Variants in XPR1 observed in about 807,000 individuals in gnomAD.
XPR1 encodes the protein xenotropic and polytropic retrovirus receptor 1.
In XPR1, 28 loss-of-function variants were observed where a neutral mutation model predicts 87.5. That is an observed-to-expected ratio of 0.32 (90% CI 0.24 to 0.44). The LOEUF (loss-of-function observed/expected upper bound fraction) is 0.44. XPR1 is among the 20% of genes least tolerant of loss of function. XPR1 has a pLI of 1.00. For missense variants in XPR1, 559 were observed against 862.3 expected, an observed-to-expected ratio of 0.65 and a Z score of 4.41; for synonymous variants, 300 against 306.1, an observed-to-expected ratio of 0.98 and a Z score of 0.21.
intron 7 of XPR1, 62 bp from the exon 8 acceptor site, chr1:180,824,691 G>T: frequency 7.1e-7 from 1 of 1,405,888 alleles, no homozygotes; most frequent in African/African-American, 1.4e-5. Context: ...GAAGACAAAA[G>T]ATTATTAATT....
At chr1:180,849,822 G>A (rs1651805950) in intron 11 of XPR1, among the ~76,000 whole-genome samples, 1 of 152,142 alleles carries the variant, frequency 6.6e-6, no homozygotes, top group African/African-American at 2.4e-5. Flanking sequence ...AGAGGAATGA[G>A]AAAGCAGAGC....
chr1:180,686,860 C>T (rs1015465290), intron 2 of XPR1, among the ~76,000 whole-genome samples: 7 of 152,100 alleles, frequency 4.6e-5, no homozygotes, highest in African/African-American at 1.7e-4. Flanking sequence ...CATCTTTCAT[C>T]TCAAACCATT....
chr1:180,863,238 A>T lies in XPR1; in HGVS notation c.1502-470A>T, dbSNP rs531246062. On this transcript the variant is annotated intron_variant, in intron 11 of 14. Transcript: ENST00000367590. ...TTAGGATTATCTGGTTGCCATCATG[A>T]TAAGTATGGACAACATCTAAGTGTA... Among the ~76,000 whole-genome samples the T allele has an allele frequency of 8.5e-5, 13 of 152,176 alleles. No homozygotes were observed. The South Asian group carries it at 2.3e-3, about 27-fold the overall frequency.
At chr1:180,864,838 C>T (rs1323103950) in intron 12 of XPR1, among the ~76,000 whole-genome samples, 1 of 152,090 alleles carries the variant, frequency 6.6e-6, no homozygotes, top group Non-Finnish European at 1.5e-5. Flanking sequence ...ATTCTAATCC[C>T]AGCTCTTTCA....
intron 2 of XPR1, among the ~76,000 whole-genome samples, chr1:180,778,858 T>G (rs1304132782): frequency 6.6e-6 from 1 of 152,200 alleles, no homozygotes; most frequent in Non-Finnish European, 1.5e-5. Context: ...AAACAGAAAC[T>G]AATTCTCCTA....
rs548314633 is a variant in XPR1 at position 180,809,219 on chromosome 1, G to C, written c.682-2188G>C. Among the ~76,000 whole-genome samples, 10 of 152,206 alleles carry C rather than the reference G, an allele frequency of 6.6e-5. No homozygotes were observed. In the South Asian group the frequency reaches 1.2e-3, roughly 19 times the overall value. ...CAGAAAAAATGCAAACTAATAAATA[G>C]TGACAGAAAGGAGATCAGTGGTTGC... On this transcript the variant is annotated intron_variant, in intron 6 of 14. Coordinates refer to ENST00000367590, the MANE Select transcript of XPR1 (RefSeq NM_004736.4).
At chr1:180,883,708 A>AG (rs1224734942) in intron 14 of XPR1, among the ~76,000 whole-genome samples, 1 of 94 alleles carries the variant, frequency 0.011, no homozygotes, top group Non-Finnish European at 0.038. Flanking sequence ...ACTCTGTCTC[A>AG]AAAAAAAAAA....
chr1:180,659,878 A>G (rs1163727151), intron 1 of XPR1, among the ~76,000 whole-genome samples: 1 of 152,070 alleles, frequency 6.6e-6, no homozygotes, highest in Non-Finnish European at 1.5e-5. Flanking sequence ...AACTGACCTC[A>G]TAGAATGAGT....
At chr1:180,633,240 T>C (rs1318364280) in intron 1 of XPR1, among the ~76,000 whole-genome samples, 1 of 152,190 alleles carries the variant, frequency 6.6e-6, no homozygotes, top group African/African-American at 2.4e-5. Flanking sequence ...GAAGACAAGA[T>C]ACCTAAGAGG....
At chr1:180,878,486 G>A (rs1652731302) in intron 13 of XPR1, among the ~76,000 whole-genome samples, 1 of 152,116 alleles carries the variant, frequency 6.6e-6, no homozygotes, top group Admixed American at 6.5e-5. Context: ...TAATATTGTA[G>A]TGCCTACTAT....
intron 2 of XPR1, among the ~76,000 whole-genome samples, chr1:180,727,927 G>C (rs1488839412): frequency 6.6e-6 from 1 of 152,090 alleles, no homozygotes; most frequent in Non-Finnish European, 1.5e-5. Flanking sequence ...TCTTGATTTT[G>C]GTCGGCTTCT....
intron 1 of XPR1, among the ~76,000 whole-genome samples, chr1:180,644,658 C>T (rs536492802): frequency 6.6e-6 from 1 of 152,048 alleles, no homozygotes; most frequent in African/African-American, 2.4e-5. Context: ...ATGTAAAACA[C>T]CTAACCTATA....
chr1:180,657,973 A>G (rs533308810), intron 1 of XPR1, among the ~76,000 whole-genome samples: 95 of 151,724 alleles, frequency 6.3e-4, no homozygotes, highest in Non-Finnish European at 1.1e-3. Flanking sequence ...TCTTTCATCA[A>G]TGTTTTATAG....
intron 2 of XPR1, among the ~76,000 whole-genome samples, chr1:180,697,799 G>T (rs538314045): frequency 6.6e-5 from 10 of 152,172 alleles, no homozygotes; most frequent in African/African-American, 2.2e-4. Flanking sequence ...TTCCATTGTG[G>T]TCTGAGAAGT....
chr1:180,754,251 C>CT lies in XPR1; in HGVS notation c.122-33501dup, dbSNP rs1214955353. On this transcript the variant is annotated intron_variant, in intron 2 of 14. Coordinates refer to ENST00000367590, the MANE Select transcript of XPR1 (RefSeq NM_004736.4). Reference sequence around the variant, plus strand: ...TGGCTACTAGGTTCTTTCTCTGTCTCTAATTTATTTGTTGTATTCCTTTTA... The same window carrying CT: ...TGGCTACTAGGTTCTTTCTCTGTCTCTTAATTTATTTGTTGTATTCCTTTTA... Among the ~76,000 whole-genome samples, 6 of 152,192 alleles carry CT rather than the reference C, an allele frequency of 3.9e-5. No homozygotes were observed. The East Asian group carries it at 1.2e-3, about 29-fold the overall frequency.
chr1:180,804,683 T>C (rs1399236446), intron 4 of XPR1, among the ~76,000 whole-genome samples: 2 of 152,288 alleles, frequency 1.3e-5, no homozygotes, highest in East Asian at 3.9e-4. Flanking sequence ...TGTTAATGCA[T>C]GTGTTTATCA....
At chr1:180,722,858 T>C (rs1019482672) in intron 2 of XPR1, among the ~76,000 whole-genome samples, 1 of 152,186 alleles carries the variant, frequency 6.6e-6, no homozygotes, top group Non-Finnish European at 1.5e-5. Flanking sequence ...TCAGTGGAAT[T>C]ATTTGTCCCC....
intron 9 of XPR1, among the ~76,000 whole-genome samples, chr1:180,825,725 A>G (rs1030760101): frequency 6.6e-5 from 10 of 152,216 alleles, no homozygotes; most frequent in Non-Finnish European, 1.5e-5. Flanking sequence ...AGCAGTAGGA[A>G]TATCTTACCA....
chr1:180,784,959 T>C lies in XPR1; in HGVS notation c.122-2794T>C, dbSNP rs75097400. 1.6e-3 allele frequency among the ~76,000 whole-genome samples: 241 copies of C among 151,848 alleles called. 1 individual carries two copies. Among genetic ancestry groups the C allele is most frequent in the African/African-American group, 5.5e-3 (227 of 41,486 alleles). ...TTTAGCTTATTTTGCACACAATTCTTGCTGTTTTATTTATATTTTTTCGCC... is the reference window on the plus strand; with the variant it reads ...TTTAGCTTATTTTGCACACAATTCTCGCTGTTTTATTTATATTTTTTCGCC... On this transcript the variant is annotated intron_variant, in intron 2 of 14. Transcript: ENST00000367590.
Sources: allele counts gnomAD v4.1 joint callset (sites outside exome capture counted in the v4.1 genomes callset), GRCh38; gene constraint gnomAD v4.1.1; transcripts MANE v1.5; gene names NCBI Gene and HGNC (gene_info 2026-07-23, HGNC 2026-07-21).